Variants in ARL15 observed in about 807,000 individuals in gnomAD.
The protein encoded by ARL15 is ADP-ribosylation factor-like protein 15.
In ARL15, 19 loss-of-function variants were observed where a neutral mutation model predicts 25.2. The observed-to-expected ratio is 0.75, with a 90% CI of 0.53 to 1.10. ARL15 has a LOEUF of 1.10. Ranked by LOEUF, ARL15 falls within the 50% of genes least tolerant of loss-of-function variation. The probability of loss-of-function intolerance (pLI) is 0.00; values close to 1 mark genes in which losing one functional copy is unlikely to be tolerated. For synonymous variants in ARL15, 94 were observed against 86.8 expected (o/e 1.08, Z -0.46); for missense variants, 220 against 246.0 (o/e 0.89, Z 0.71).
At chr5:53,914,035 C>A (rs2111988895) in intron 4 of ARL15, among the ~76,000 whole-genome samples, 1 of 152,222 alleles carries the variant, frequency 6.6e-6, no homozygotes, top group African/African-American at 2.4e-5. Flanking sequence ...TCCTCCTTAT[C>A]TCCTTTTCCC....
At chr5:53,974,908 T>C (rs1747878206) in intron 4 of ARL15, among the ~76,000 whole-genome samples, 1 of 152,124 alleles carries the variant, frequency 6.6e-6, no homozygotes, top group African/African-American at 2.4e-5. Flanking sequence ...CTACTTTCTG[T>C]CTGTGAGGTG....
chr5:54,043,584 A>C (rs1750410047), intron 4 of ARL15, among the ~76,000 whole-genome samples: 1 of 152,198 alleles, frequency 6.6e-6, no homozygotes, highest in African/African-American at 2.4e-5. Flanking sequence ...ATACATGATG[A>C]TAGAAGTCAT....
At chr5:53,987,690 C>A (rs1231146156) in intron 4 of ARL15, among the ~76,000 whole-genome samples, 1 of 152,178 alleles carries the variant, frequency 6.6e-6, no homozygotes, top group African/African-American at 2.4e-5. Context: ...ATGGTTCACA[C>A]CTGTAATCCC....
chr5:54,279,606 A>G (rs979048686), intron 1 of ARL15, among the ~76,000 whole-genome samples: 1 of 152,086 alleles, frequency 6.6e-6, no homozygotes, highest in Non-Finnish European at 1.5e-5. Flanking sequence ...GGGCTTCAAC[A>G]CATGAGTTTT....
intron 1 of ARL15, among the ~76,000 whole-genome samples, chr5:54,277,205 T>G (rs181565993): frequency 3.0e-3 from 451 of 152,184 alleles, no homozygotes; most frequent in Non-Finnish European, 4.8e-3. Flanking sequence ...GTAATACCAA[T>G]AGTAACATAC....
intron 1 of ARL15, among the ~76,000 whole-genome samples, chr5:54,260,371 C>T (rs1046731085): frequency 6.6e-6 from 1 of 152,174 alleles, no homozygotes; most frequent in African/African-American, 2.4e-5. Context: ...CTCTATTTGA[C>T]ATTACAGATT....
At chr5:54,151,094 T>C (rs1459401272) in intron 3 of ARL15, among the ~76,000 whole-genome samples, 6 of 152,126 alleles carry the variant, frequency 3.9e-5, no homozygotes, top group Non-Finnish European at 8.8e-5. Context: ...AATAATAGCA[T>C]CTACTCTCTA....
intron 1 of ARL15, among the ~76,000 whole-genome samples, chr5:54,201,999 AAC>A: frequency 6.6e-6 from 1 of 152,186 alleles, no homozygotes; most frequent in Non-Finnish European, 1.5e-5. Flanking sequence ...CATGGGTACC[AAC>A]TAGAGTATAT....
intron 1 of ARL15, among the ~76,000 whole-genome samples, chr5:54,194,044 T>C (rs2783): frequency 0.3 from 45,087 of 151,978 alleles, 7,105 homozygotes; most frequent in African/African-American, 0.37. Flanking sequence ...GAGACTATGG[T>C]AGTGAACACT....
rs1036377236 is a variant in ARL15, at chr5:53,886,647, G to A, written c.529C>T (p.Leu177=). ...TCTTTCAGTGCATCCATGTCATCCA[G>A]TGAGCAGGGCTGTAGAATCCAGCGT... ...GKRWILQPCS[L]DDMDALKDSF... Residue 177 remains leucine, a synonymous_variant, in exon 5 of 5, where the codon CTG becomes TTG. Coordinates refer to ENST00000504924, the MANE Select transcript of ARL15 (RefSeq NM_019087.3). 3 of 1,575,360 alleles carry A rather than the reference G, an allele frequency of 1.9e-6. No individual in the cohort carries two copies. The highest frequency in any genetic ancestry group is 2.6e-6 in the Non-Finnish European group (3 of 1,158,812).
chr5:54,102,677 CCT>C (rs1752475459), intron 4 of ARL15, among the ~76,000 whole-genome samples: 1 of 152,094 alleles, frequency 6.6e-6, no homozygotes. Context: ...TAAGGATTCC[CCT>C]GACAAGCTCT....
At chr5:54,004,633 C>T (rs1229042467) in intron 4 of ARL15, among the ~76,000 whole-genome samples, 1 of 152,102 alleles carries the variant, frequency 6.6e-6, no homozygotes, top group Admixed American at 6.5e-5. Context: ...TATTGATTGC[C>T]GCCTCTCTAT....
At chr5:54,071,525 C>G (rs202180128) in intron 4 of ARL15, among the ~76,000 whole-genome samples, 1,665 of 38,998 alleles carry the variant, frequency 0.043, 67 homozygotes, top group Non-Finnish European at 0.053. Context: ...CCCCCCCCCC[C>G]GCAAAGCCAG....
At chr5:54,072,342 G>A (rs780003456) in intron 4 of ARL15, among the ~76,000 whole-genome samples, 5 of 152,176 alleles carry the variant, frequency 3.3e-5, no homozygotes, top group South Asian at 4.1e-4. Context: ...TGGGGACAGT[G>A]TGAAAAACCT....
At chr5:54,079,504 T>C (rs998682091) in intron 4 of ARL15, among the ~76,000 whole-genome samples, 1 of 152,184 alleles carries the variant, frequency 6.6e-6, no homozygotes, top group Non-Finnish European at 1.5e-5. Context: ...TTTTCAAGTA[T>C]AGGAAAATTA....
At chr5:54,010,769 T>G (rs1457416146) in intron 4 of ARL15, among the ~76,000 whole-genome samples, 1 of 152,112 alleles carries the variant, frequency 6.6e-6, no homozygotes, top group Non-Finnish European at 1.5e-5. Flanking sequence ...CCCAGCACTT[T>G]GGGAGGCTGA....
At chr5:53,947,282 T>C (rs1013178876) in intron 4 of ARL15, among the ~76,000 whole-genome samples, 1 of 151,518 alleles carries the variant, frequency 6.6e-6, no homozygotes, top group Non-Finnish European at 1.5e-5. Context: ...TTCCCTTCCC[T>C]GTCTGTGGAT....
chr5:54,100,144 C>T (rs1284599721), intron 4 of ARL15, among the ~76,000 whole-genome samples: 1 of 152,086 alleles, frequency 6.6e-6, no homozygotes, highest in Non-Finnish European at 1.5e-5. Context: ...AACACCAGAA[C>T]ATTTTTTAAA....
intron 1 of ARL15, among the ~76,000 whole-genome samples, chr5:54,263,707 G>A (rs980174687): frequency 1.3e-5 from 2 of 152,110 alleles, no homozygotes; most frequent in Non-Finnish European, 2.9e-5. Context: ...TACTTTGAGT[G>A]AGGCAATATT....
Sources: gnomAD v4.1 joint callset for allele counts (sites outside exome capture counted in the v4.1 genomes callset) on GRCh38, gnomAD v4.1.1 for gene constraint, MANE v1.5 for transcripts, NCBI Gene and HGNC (gene_info 2026-07-23, HGNC 2026-07-21) for gene names.